CCSER1: variants seen among roughly 807,000 people sequenced by gnomAD.
CCSER1 encodes the protein coiled-coil serine rich protein 1.
Under a neutral mutation model 82.0 loss-of-function variants are expected in CCSER1, and 41 were observed. That is an observed-to-expected ratio of 0.50 (90% confidence interval 0.39 to 0.65). The LOEUF is 0.65. Ranked by LOEUF, CCSER1 falls within the 30% of genes least tolerant of loss-of-function variation. The pLI, the probability that CCSER1 is intolerant of heterozygous loss-of-function variation, is 0.00. For missense variants in CCSER1, 1,119 were observed against 1,064.2 expected (o/e 1.05, Z -0.72); for synonymous variants, 414 against 383.9 (o/e 1.08, Z -0.92).
intron 10 of CCSER1, among the ~76,000 whole-genome samples, chr4:91,091,202 C>A (rs1723915385): frequency 6.6e-6 from 1 of 152,148 alleles, no homozygotes; most frequent in Admixed American, 6.5e-5. Context: ...CGTTTGGGCA[C>A]CCCTTTTTCT....
chr4:91,168,020 C>A (rs558728818), intron 10 of CCSER1, among the ~76,000 whole-genome samples: 2 of 150,930 alleles, frequency 1.3e-5, no homozygotes, highest in Non-Finnish European at 3.0e-5. Flanking sequence ...CGCCTCTGCC[C>A]GGCCGCCCCA....
chr4:91,499,728 A>G (rs1043920711), intron 10 of CCSER1, among the ~76,000 whole-genome samples: 1 of 151,860 alleles, frequency 6.6e-6, no homozygotes, highest in South Asian at 2.1e-4. Context: ...ATAATATACT[A>G]TGTAGTCTTT....
At position 91,248,251 on chromosome 4, in the gene CCSER1, A is replaced by T. The variant is rs1413429880; in HGVS notation, c.2217+162257A>T. On this transcript the variant is annotated intron_variant, in intron 10 of 10. Transcript: ENST00000509176. ...AGGCAAATCTCAGCATAAAATTGCA[A>T]CTAATTTATTTAGGTATTTATCCCT... is the stretch of plus-strand genomic sequence containing the variant. Among the ~76,000 whole-genome samples the T allele has an allele frequency of 9.8e-5, 15 of 152,358 alleles. No individual in the cohort carries two copies. In the South Asian group the frequency reaches 2.9e-3, roughly 29 times the overall value.
At chr4:90,226,313 A>T (rs1743149838) in intron 1 of CCSER1, among the ~76,000 whole-genome samples, 1 of 152,234 alleles carries the variant, frequency 6.6e-6, no homozygotes, top group African/African-American at 2.4e-5. Flanking sequence ...GTAGAAATAG[A>T]TATCTGAAAT....
chr4:90,724,564 G>A (rs1019535590), intron 7 of CCSER1: 3 of 236,626 alleles, frequency 1.3e-5, no homozygotes, highest in African/African-American at 2.3e-5. Context: ...GTCTTGTTTT[G>A]CCACTTAAGA....
At chr4:91,223,806 A>G (rs922080446) in intron 10 of CCSER1, among the ~76,000 whole-genome samples, 11 of 152,144 alleles carry the variant, frequency 7.2e-5, no homozygotes, top group African/African-American at 2.7e-4. Context: ...TAAGAAACTC[A>G]TAATATAGAC....
At chr4:90,270,918 G>C (rs559321935) in intron 1 of CCSER1, among the ~76,000 whole-genome samples, 9 of 151,826 alleles carry the variant, frequency 5.9e-5, no homozygotes, top group Non-Finnish European at 1.2e-4. Flanking sequence ...AAATACTTAG[G>C]AATTAATGTA....
In CCSER1 at chr4:91,555,046, T is replaced by G. The variant is rs145435608; in HGVS notation, c.2218-43526T>G. Among the ~76,000 whole-genome samples the G allele has an allele frequency of 1.6e-4, 24 of 151,360 alleles. 1 individual carries two copies. The highest frequency in any genetic ancestry group is 5.6e-4 in the African/African-American group (23 of 41,278). On this transcript the variant is annotated intron_variant, in intron 10 of 10. Transcript: ENST00000509176. ...ATGTAAAAATTGACTCAAATTGGAT[T>G]AAAAACTCAAATACAAGATCTGAAA...
rs1237724812 is a variant in CCSER1 at position 90,950,000 on chromosome 4, A to G, written c.2172+26553A>G. On this transcript the variant is annotated intron_variant, in intron 9 of 10. Transcript: ENST00000509176. ...TAAAGACTAAGCCCTCTGCTATCAT[A>G]CCACACCCCTCCACCAGGTATGGTG... Among the ~76,000 whole-genome samples, 5 of 152,166 alleles carry G rather than the reference A, an allele frequency of 3.3e-5. No homozygotes were observed. The East Asian group carries it at 9.7e-4, about 29-fold the overall frequency.
chr4:90,245,430 T>A (rs1478617429), intron 1 of CCSER1, among the ~76,000 whole-genome samples: 1 of 150,500 alleles, frequency 6.6e-6, no homozygotes, highest in Non-Finnish European at 1.5e-5. Flanking sequence ...CATGGTAGGA[T>A]CTTTAGGCTT....
chr4:91,361,081 A>AG (rs1486599792), intron 10 of CCSER1, among the ~76,000 whole-genome samples: 1 of 143,666 alleles, frequency 7.0e-6, no homozygotes, highest in East Asian at 1.9e-4. Flanking sequence ...GTTATCACAG[A>AG]GGGGGAGGAA....
At chr4:91,265,421 G>A (rs764545630) in intron 10 of CCSER1, among the ~76,000 whole-genome samples, 31 of 151,890 alleles carry the variant, frequency 2.0e-4, no homozygotes, top group Non-Finnish European at 4.3e-4. Context: ...AATAATTTTT[G>A]ATAACATATG....
chr4:91,492,694 C>A (rs190756685), intron 10 of CCSER1, among the ~76,000 whole-genome samples: 1 of 152,108 alleles, frequency 6.6e-6, no homozygotes, highest in East Asian at 1.9e-4. Context: ...TACAGAGAAT[C>A]CTCGGGGGCA....
intron 9 of CCSER1, among the ~76,000 whole-genome samples, chr4:91,013,924 TTTTTTG>T (rs1476813371): frequency 7.6e-6 from 1 of 132,144 alleles, no homozygotes; most frequent in African/African-American, 2.5e-5. Flanking sequence ...CCGGGCACAC[TTTTTTG>T]TTTTTGTTTT....
chr4:91,299,560 A>G (rs1744497029), intron 10 of CCSER1, among the ~76,000 whole-genome samples: 1 of 152,016 alleles, frequency 6.6e-6, no homozygotes, highest in African/African-American at 2.4e-5. Context: ...AGGTAGTGAC[A>G]ACTGAGATTT....
chr4:90,941,406 T>C (rs1320015114), intron 9 of CCSER1, among the ~76,000 whole-genome samples: 1 of 152,158 alleles, frequency 6.6e-6, no homozygotes, highest in African/African-American at 2.4e-5. Context: ...GATATACATA[T>C]GATTTTATTG....
At chr4:90,463,858 T>C (rs1487967503) in intron 4 of CCSER1, among the ~76,000 whole-genome samples, 1 of 152,132 alleles carries the variant, frequency 6.6e-6, no homozygotes, top group Non-Finnish European at 1.5e-5. Flanking sequence ...GCCTCTCTGA[T>C]GAATCCTTAG....
At chr4:90,683,797 A>G (rs896519014) in intron 6 of CCSER1, among the ~76,000 whole-genome samples, 6 of 152,142 alleles carry the variant, frequency 3.9e-5, no homozygotes, top group Non-Finnish European at 7.4e-5. Context: ...TTTAAAAAAA[A>G]AGATAATGTC....
intron 5 of CCSER1, among the ~76,000 whole-genome samples, chr4:90,471,732 T>C (rs1262363653): frequency 6.6e-6 from 1 of 151,738 alleles, no homozygotes; most frequent in Admixed American, 6.6e-5. Context: ...TCCCGCACTT[T>C]GGGAGGCCGA....
Sources: allele counts gnomAD v4.1 joint callset (sites outside exome capture counted in the v4.1 genomes callset), GRCh38; gene constraint gnomAD v4.1.1; transcripts MANE v1.5; gene names NCBI Gene and HGNC (gene_info 2026-07-23, HGNC 2026-07-21).